GALNTL6: variants seen among roughly 807,000 people sequenced by gnomAD.
The protein encoded by GALNTL6 is polypeptide N-acetylgalactosaminyltransferase like 6, also known as polypeptide N-acetylgalactosaminyltransferase-like 6.
In GALNTL6, 46 loss-of-function variants were observed where a neutral mutation model predicts 73.7. The observed-to-expected ratio is 0.62, with a 90% confidence interval of 0.49 to 0.80. The LOEUF (loss-of-function observed/expected upper bound fraction) is 0.80. Among genes scored for constraint, GALNTL6 ranks in the 30% least tolerant of loss-of-function variants. GALNTL6 has a pLI of 0.00. For synonymous variants in GALNTL6, 259 were observed against 263.7 expected (o/e 0.98, Z 0.17); for missense variants, 604 against 755.0 (o/e 0.80, Z 2.34).
intron 4 of GALNTL6, among the ~76,000 whole-genome samples, chr4:172,317,043 T>A (rs1307905076): frequency 6.6e-6 from 1 of 152,208 alleles, no homozygotes; most frequent in African/African-American, 2.4e-5. Flanking sequence ...GTTTGTCTAA[T>A]GACTGTCCTG....
intron 2 of GALNTL6, among the ~76,000 whole-genome samples, chr4:171,913,016 G>A (rs374057061): frequency 6.6e-6 from 1 of 152,096 alleles, no homozygotes; most frequent in South Asian, 2.1e-4. Flanking sequence ...GTGGGTGCAG[G>A]TATCTCTTTG....
chr4:172,465,487 A>T (rs78276238), intron 5 of GALNTL6, among the ~76,000 whole-genome samples: 1 of 152,086 alleles, frequency 6.6e-6, no homozygotes, highest in Non-Finnish European at 1.5e-5. Flanking sequence ...AAAAAAAGAA[A>T]AAAAAAGAAA....
chr4:172,197,018 A>T (rs1161692101), intron 2 of GALNTL6, among the ~76,000 whole-genome samples: 1 of 152,210 alleles, frequency 6.6e-6, no homozygotes, highest in Admixed American at 6.5e-5. Context: ...TGCATATGAC[A>T]TGATTCTATA....
At chr4:172,822,986 C>G (rs1365485042) in intron 7 of GALNTL6, among the ~76,000 whole-genome samples, 1 of 151,996 alleles carries the variant, frequency 6.6e-6, no homozygotes, top group Non-Finnish European at 1.5e-5. Context: ...ATATAATGCC[C>G]CACTCTCTTC....
chr4:172,246,195 G>T (rs1173139251), intron 3 of GALNTL6, among the ~76,000 whole-genome samples: 1 of 152,064 alleles, frequency 6.6e-6, no homozygotes, highest in Non-Finnish European at 1.5e-5. Flanking sequence ...GCGTTACTAG[G>T]CGTTTCGTTC....
At chr4:172,944,938 A>G (rs1226871896) in intron 9 of GALNTL6, among the ~76,000 whole-genome samples, 1 of 151,944 alleles carries the variant, frequency 6.6e-6, no homozygotes, top group Non-Finnish European at 1.5e-5. Flanking sequence ...TGCGCCTGTA[A>G]TCCCAGCTAC....
intron 2 of GALNTL6, 178 bp downstream of exon 2, chr4:171,814,896 G>A: frequency 1.6e-6 from 1 of 616,470 alleles, no homozygotes; most frequent in East Asian, 2.7e-5. Context: ...TAAGATTGCA[G>A]CCAGTAACAT....
intron 10 of GALNTL6, among the ~76,000 whole-genome samples, chr4:172,977,302 C>T (rs929987595): frequency 4.6e-5 from 7 of 152,214 alleles, no homozygotes; most frequent in African/African-American, 1.7e-4. Context: ...ATATTTGAGT[C>T]AGTGGTTATC....
intron 2 of GALNTL6, among the ~76,000 whole-genome samples, chr4:172,119,626 G>A (rs975614221): frequency 6.6e-6 from 1 of 152,148 alleles, no homozygotes; most frequent in African/African-American, 2.4e-5. Context: ...TGCAGGATCA[G>A]AGAGTAATGT....
chr4:172,101,643 T>C (rs571718145), intron 2 of GALNTL6, among the ~76,000 whole-genome samples: 3 of 152,182 alleles, frequency 2.0e-5, no homozygotes, highest in Non-Finnish European at 4.4e-5. Context: ...TGGTATTATC[T>C]AGAGACAGTC....
chr4:172,522,232 T>C (rs1734798235), intron 5 of GALNTL6, among the ~76,000 whole-genome samples: 2 of 152,218 alleles, frequency 1.3e-5, no homozygotes, highest in African/African-American at 4.8e-5. Context: ...AAGTGAATTA[T>C]ATAAGAATTA....
At chr4:172,021,520 A>T (rs1221601858) in intron 2 of GALNTL6, among the ~76,000 whole-genome samples, 3 of 152,070 alleles carry the variant, frequency 2.0e-5, no homozygotes, top group African/African-American at 7.2e-5. Context: ...ATATTATCCA[A>T]AGCAATCTAC....
chr4:171,836,302 C>T (rs1361548999), intron 2 of GALNTL6, among the ~76,000 whole-genome samples: 1 of 152,050 alleles, frequency 6.6e-6, no homozygotes, highest in African/African-American at 2.4e-5. Flanking sequence ...TGCTCTCAGT[C>T]ACATCCCTTT....
chr4:173,001,868 G>A (rs535037975), intron 10 of GALNTL6, among the ~76,000 whole-genome samples: 17 of 152,288 alleles, frequency 1.1e-4, no homozygotes, highest in Admixed American at 5.9e-4. Context: ...AAAACTACAA[G>A]TGTTGGCAAA....
chr4:172,365,356 C>T (rs575374444), intron 5 of GALNTL6, among the ~76,000 whole-genome samples: 17 of 151,970 alleles, frequency 1.1e-4, no homozygotes, highest in South Asian at 6.3e-4. Context: ...TGTTTCTGGT[C>T]GGAGATGTCA....
chr4:171,831,126 G>A (rs526169), intron 2 of GALNTL6, among the ~76,000 whole-genome samples: 148,948 of 152,142 alleles, frequency 0.98, 73,002 homozygotes, highest in Middle Eastern at 1. Context: ...GACTTCTATT[G>A]GTTTGATTCT....
intron 2 of GALNTL6, among the ~76,000 whole-genome samples, chr4:172,002,021 A>G (rs1560879641): frequency 6.6e-6 from 1 of 152,118 alleles, no homozygotes; most frequent in Non-Finnish European, 1.5e-5. Flanking sequence ...TCCCTATATA[A>G]GGCTTATGGT....
At chr4:172,093,666 A>G (rs541634539) in intron 2 of GALNTL6, among the ~76,000 whole-genome samples, 1 of 152,286 alleles carries the variant, frequency 6.6e-6, no homozygotes, top group East Asian at 1.9e-4. Flanking sequence ...TCAGATTAGC[A>G]TCAGCATTAG....
intron 5 of GALNTL6, among the ~76,000 whole-genome samples, chr4:172,691,233 A>T (rs1197520150): frequency 1.3e-5 from 2 of 152,230 alleles, no homozygotes; most frequent in African/African-American, 4.8e-5. Flanking sequence ...AATACTCATC[A>T]AACAGCAAGA....
Sources: allele counts gnomAD v4.1 joint callset (sites outside exome capture counted in the v4.1 genomes callset), GRCh38; gene constraint gnomAD v4.1.1; transcripts MANE v1.5; gene names NCBI Gene and HGNC (gene_info 2026-07-23, HGNC 2026-07-21).